PEX5L: variants seen among roughly 807,000 people sequenced by gnomAD.
PEX5L encodes PEX5-related protein.
Under a neutral mutation model 84.0 loss-of-function variants are expected in PEX5L, and 30 were observed. The ratio of observed to expected loss-of-function variants is 0.36; its 90% CI spans 0.27 to 0.48. The LOEUF (loss-of-function observed/expected upper bound fraction) is 0.48, where lower values mean the gene tolerates loss of function less well. Ranked by LOEUF, PEX5L falls within the 20% of genes least tolerant of loss-of-function variation. PEX5L has a pLI of 0.99. For synonymous variants in PEX5L, 270 were observed against 283.1 expected (o/e 0.95, Z 0.46); for missense variants, 533 against 754.6 (o/e 0.71, Z 3.44).
intron 1 of PEX5L, among the ~76,000 whole-genome samples, chr3:179,988,982 T>C (rs1787130303): frequency 6.6e-6 from 1 of 152,226 alleles, no homozygotes; most frequent in Admixed American, 6.5e-5. Flanking sequence ...AATGCAAGTA[T>C]ACATATTGTC....
At position 179,801,806 on chromosome 3, in the gene PEX5L, T is replaced by C. The variant is rs541933774; in HGVS notation, c.*22A>G. Reference sequence around the variant, plus strand: ...TACAATCACACAGATCAGGGATTATTAGTACTGGTATTATTCTTTCTTCAA... The same window carrying C: ...TACAATCACACAGATCAGGGATTATCAGTACTGGTATTATTCTTTCTTCAA... On this transcript the variant is annotated 3_prime_UTR_variant, in exon 15 of 15. Coordinates refer to ENST00000467460, the MANE Select transcript of PEX5L (RefSeq NM_016559.3). 2.5e-4 allele frequency: 346 copies of C among 1,376,202 alleles called. 2 individuals are homozygous for C. The South Asian group carries it at 3.2e-3, about 13-fold the overall frequency. 85.2% of individuals were successfully genotyped at this position (1,376,202 alleles called of 1,614,324 possible). A position where few individuals can be genotyped will look rare whatever the true frequency, so the allele number is the denominator to read the frequency against.
chr3:179,805,919 C>G (rs1052768200), intron 14 of PEX5L, among the ~76,000 whole-genome samples: 1 of 151,456 alleles, frequency 6.6e-6, no homozygotes, highest in Admixed American at 6.6e-5. Flanking sequence ...TTATTGTTTT[C>G]TAACCCTAAG....
intron 7 of PEX5L, 110 bp downstream of exon 7, chr3:179,874,217 G>A (rs753226738): frequency 1.1e-5 from 6 of 569,268 alleles, no homozygotes; most frequent in East Asian, 3.4e-5. Context: ...CACATGAAAC[G>A]CAATGTACAA....
intron 8 of PEX5L, among the ~76,000 whole-genome samples, chr3:179,834,506 C>T (rs1456442488): frequency 2.0e-5 from 3 of 152,200 alleles, no homozygotes; most frequent in African/African-American, 7.2e-5. Flanking sequence ...CCTTTGCTGC[C>T]TCTCACTGCT....
At chr3:179,954,182 A>C (rs2110004836) in intron 2 of PEX5L, among the ~76,000 whole-genome samples, 1 of 126,218 alleles carries the variant, frequency 7.9e-6, no homozygotes, top group Non-Finnish European at 1.7e-5. Flanking sequence ...CACAAGAACA[A>C]GCCCAGAAAT....
At chr3:179,908,446 C>T (rs1000865272) in intron 2 of PEX5L, among the ~76,000 whole-genome samples, 1 of 152,138 alleles carries the variant, frequency 6.6e-6, no homozygotes, top group East Asian at 1.9e-4. Context: ...ACTCTTCTCT[C>T]TAAACTTCTG....
intron 14 of PEX5L, among the ~76,000 whole-genome samples, chr3:179,803,776 A>G (rs1477868108): frequency 3.3e-5 from 5 of 152,226 alleles, no homozygotes; most frequent in African/African-American, 9.6e-5. Context: ...TAATCCAGGG[A>G]TTTGCTCATC....
intron 2 of PEX5L, among the ~76,000 whole-genome samples, chr3:179,924,641 C>T (rs1770854914): frequency 6.6e-6 from 1 of 152,092 alleles, no homozygotes; most frequent in Non-Finnish European, 1.5e-5. Context: ...TTATTAAGCC[C>T]TGAGCCATTT....
chr3:179,829,204 T>G (rs1432825017), intron 8 of PEX5L, among the ~76,000 whole-genome samples: 2 of 152,148 alleles, frequency 1.3e-5, no homozygotes, highest in Admixed American at 1.3e-4. Context: ...CCAATTTCCT[T>G]TACTATTTTT....
intron 2 of PEX5L, among the ~76,000 whole-genome samples, chr3:179,916,566 C>T (rs1476586660): frequency 6.6e-6 from 1 of 152,112 alleles, no homozygotes; most frequent in Non-Finnish European, 1.5e-5. Context: ...AAACACTGTA[C>T]CCTTAGGCTG....
chr3:179,853,038 G>A (rs12631776), intron 8 of PEX5L, among the ~76,000 whole-genome samples: 58,325 of 151,960 alleles, frequency 0.38, 11,638 homozygotes, highest in East Asian at 0.72. Flanking sequence ...GCAGGTGCTG[G>A]GAACATAAAG....
intron 1 of PEX5L, among the ~76,000 whole-genome samples, chr3:179,988,753 G>T (rs1787109775): frequency 6.6e-6 from 1 of 152,190 alleles, no homozygotes; most frequent in South Asian, 2.1e-4. Flanking sequence ...ACAAGATGTA[G>T]AATTCACTGA....
At chr3:179,860,524 C>T (rs1460723032) in intron 7 of PEX5L, among the ~76,000 whole-genome samples, 2 of 152,192 alleles carry the variant, frequency 1.3e-5, no homozygotes, top group Non-Finnish European at 1.5e-5. Flanking sequence ...GTTTGAAAAG[C>T]GCCTCTGGTA....
intron 4 of PEX5L, among the ~76,000 whole-genome samples, chr3:179,886,086 G>A (rs1462271290): frequency 6.6e-6 from 1 of 152,108 alleles, no homozygotes; most frequent in Non-Finnish European, 1.5e-5. Context: ...ATCTTATATT[G>A]CTCTCTCAGG....
At chr3:179,938,528 C>G (rs1019388078) in intron 2 of PEX5L, among the ~76,000 whole-genome samples, 2 of 152,182 alleles carry the variant, frequency 1.3e-5, no homozygotes, top group African/African-American at 4.8e-5. Context: ...GCGTGTTTAA[C>G]AAAACTGTCT....
chr3:179,868,987 C>A (rs1056822315), intron 7 of PEX5L, among the ~76,000 whole-genome samples: 1 of 152,138 alleles, frequency 6.6e-6, no homozygotes, highest in South Asian at 2.1e-4. Context: ...GGTTTTTCAG[C>A]GAACCTTTAG....
chr3:179,844,112 C>G (rs1013083804), intron 8 of PEX5L, among the ~76,000 whole-genome samples: 4 of 152,164 alleles, frequency 2.6e-5, no homozygotes, highest in African/African-American at 9.7e-5. Flanking sequence ...CGGATCCTTG[C>G]CTAAATAAAT....
chr3:179,948,553 C>T (rs946533086), intron 2 of PEX5L, among the ~76,000 whole-genome samples: 3 of 152,288 alleles, frequency 2.0e-5, no homozygotes, highest in South Asian at 4.1e-4. Flanking sequence ...TACAATTAGA[C>T]GTGTGGATCC....
At chr3:179,893,141 A>G (rs1758101396) in intron 3 of PEX5L, among the ~76,000 whole-genome samples, 1 of 152,172 alleles carries the variant, frequency 6.6e-6, no homozygotes, top group African/African-American at 2.4e-5. Flanking sequence ...AAATGATTTC[A>G]CTTGAATTAT....
Sources: gnomAD v4.1 joint callset for allele counts (sites outside exome capture counted in the v4.1 genomes callset) on GRCh38, gnomAD v4.1.1 for gene constraint, MANE v1.5 for transcripts, NCBI Gene and HGNC (gene_info 2026-07-23, HGNC 2026-07-21) for gene names.